The following MARK3 variants were observed in gnomAD, a reference collection of about 807,000 sequenced individuals.
MARK3 encodes the protein MAP/microtubule affinity-regulating kinase 3.
MARK3 carries 46 observed loss-of-function variants against 90.1 expected under a neutral mutation model. The ratio of observed to expected loss-of-function variants is 0.51; its 90% confidence interval spans 0.40 to 0.65. MARK3 has a LOEUF of 0.65. Among genes scored for constraint, MARK3 ranks in the 30% least tolerant of loss-of-function variants. The probability of loss-of-function intolerance (pLI) is 0.00; values close to 1 mark genes in which losing one functional copy is unlikely to be tolerated. For missense variants in MARK3, 818 were observed against 947.2 expected, an observed-to-expected ratio of 0.86 and a Z score of 1.79; for synonymous variants, 321 against 332.6, an observed-to-expected ratio of 0.97 and a Z score of 0.38.
intron 13 of MARK3, among the ~76,000 whole-genome samples, chr14:103,479,781 C>T (rs976866878): frequency 6.6e-6 from 1 of 151,822 alleles, no homozygotes; most frequent in Non-Finnish European, 1.5e-5. Flanking sequence ...GCTGGGATTA[C>T]AGGCATGCAC....
At chr14:103,429,028 A>G (rs1353113882) in intron 3 of MARK3, among the ~76,000 whole-genome samples, 3 of 152,224 alleles carry the variant, frequency 2.0e-5, no homozygotes, top group Non-Finnish European at 4.4e-5. Flanking sequence ...CAGATTTTTG[A>G]AAGTCTTAAC....
intron 1 of MARK3, among the ~76,000 whole-genome samples, chr14:103,393,853 A>G (rs1210118414): frequency 6.6e-6 from 1 of 150,910 alleles, no homozygotes; most frequent in African/African-American, 2.4e-5. Context: ...TCCGCCTGCC[A>G]GCCTAAGTAG....
intron 2 of MARK3, chr14:103,412,122 A>G: frequency 3.3e-6 from 4 of 1,209,266 alleles, no homozygotes; most frequent in Non-Finnish European, 4.4e-6. Context: ...ATATGCCTTA[A>G]TATAGGCGCT....
At chr14:103,452,098 A>G (rs900661126) in intron 5 of MARK3, 115 bp downstream of exon 5, 44 of 656,326 alleles carry the variant, frequency 6.7e-5, no homozygotes, top group Non-Finnish European at 1.1e-4. Flanking sequence ...CCAGAGCCAT[A>G]ATACGCTAGG....
At chr14:103,467,234 AT>A in intron 11 of MARK3, 43 bp downstream of exon 11, 1 of 846,878 alleles carries the variant, frequency 1.2e-6, no homozygotes, top group Non-Finnish European at 1.9e-6. Context: ...GTATGTAATT[AT>A]TAGTTTATAT....
At chr14:103,404,925 T>A (rs891804866) in intron 1 of MARK3, 151 bp from the exon 2 acceptor site, 4 of 552,124 alleles carry the variant, frequency 7.2e-6, no homozygotes, top group Admixed American at 3.8e-5. Context: ...TTCCTCAAAT[T>A]TATATTATGT....
At position 103,386,055 on chromosome 14, in the gene MARK3, C is replaced by G. The variant is rs1413560652; in HGVS notation, c.26C>G (p.Thr9Arg). 1.9e-6 allele frequency: 3 copies of G among 1,614,064 alleles called. No homozygotes were observed. ...ATGTCCACTAGGACCCCATTGCCAA[C>G]GGTGAATGAACGAGACACTGAAAAC... MSTRTPLP[T>R]VNERDTENHT... The change falls in exon 1 of 18, where the codon ACG becomes AGG. Residue 9 changes from threonine to arginine, a missense_variant. Physicochemically the swap from Thr to Arg is moderately conservative, Grantham distance 71 (BLOSUM62 -1). This residue lies in a region of MARK3 where 157 missense variants were observed against 158.7 expected (regional missense o/e 0.99). Coordinates refer to ENST00000429436, the MANE Select transcript of MARK3 (RefSeq NM_001128918.3).
At chr14:103,411,663 G>T (rs1032410321) in intron 2 of MARK3, among the ~76,000 whole-genome samples, 1 of 151,058 alleles carries the variant, frequency 6.6e-6, no homozygotes, top group Non-Finnish European at 1.5e-5. Flanking sequence ...TCGCTCTGTC[G>T]CTAGGCTGGA....
At chr14:103,420,593 T>C (rs2092169851) in intron 2 of MARK3, among the ~76,000 whole-genome samples, 1 of 152,218 alleles carries the variant, frequency 6.6e-6, no homozygotes, top group Admixed American at 6.5e-5. Flanking sequence ...TTAACCATTT[T>C]TTAAGTGTGT....
chr14:103,492,781 C>G (rs948044381), intron 15 of MARK3, among the ~76,000 whole-genome samples: 4 of 152,058 alleles, frequency 2.6e-5, no homozygotes, highest in African/African-American at 9.7e-5. Flanking sequence ...TTACCTGTTA[C>G]AAAAGCCCAG....
intron 3 of MARK3, among the ~76,000 whole-genome samples, chr14:103,440,616 G>A (rs2092826363): frequency 6.6e-6 from 1 of 151,496 alleles, no homozygotes; most frequent in South Asian, 2.1e-4. Context: ...CAAAAAAATT[G>A]TGCTATCAAT....
rs536296066 is a variant in MARK3, at chr14:103,452,019, T to C, written c.412+36T>C. ...TTTTATATATATTGGGTTTTTTTTC[T>C]TTCTCCCTTTTAAAAAAATACACAA... On this transcript the variant is annotated intron_variant, in intron 5 of 17. Coordinates refer to ENST00000429436, the MANE Select transcript of MARK3 (RefSeq NM_001128918.3). The C allele has an allele frequency of 1.4e-5, 20 of 1,410,478 alleles. No homozygotes were observed. The African/African-American group carries it at 2.7e-4, about 19-fold the overall frequency. 87.4% of individuals were successfully genotyped at this position (1,410,478 alleles called of 1,614,324 possible).
intron 3 of MARK3, among the ~76,000 whole-genome samples, chr14:103,445,822 T>C (rs955400184): frequency 1.3e-5 from 2 of 152,208 alleles, no homozygotes; most frequent in African/African-American, 4.8e-5. Flanking sequence ...AATGATTGCC[T>C]TCATTTGACC....
chr14:103,494,657 C>T lies in MARK3; in HGVS notation c.1844+2623C>T, dbSNP rs554190971. On this transcript the variant is annotated intron_variant, in intron 15 of 17. Coordinates refer to ENST00000429436, the MANE Select transcript of MARK3 (RefSeq NM_001128918.3). ...TATCAGCTACCTCTTTTTTTTTCCC[C>T]ACAGAGTCTCACTTTATCGCCCAGG... is the stretch of plus-strand genomic sequence containing the variant. Among the ~76,000 whole-genome samples the T allele has an allele frequency of 5.3e-5, 8 of 150,544 alleles. No homozygotes were observed. The East Asian group carries it at 1.6e-3, about 29-fold the overall frequency.
intron 2 of MARK3, among the ~76,000 whole-genome samples, chr14:103,417,670 G>A (rs986082193): frequency 6.6e-6 from 1 of 152,078 alleles, no homozygotes; most frequent in African/African-American, 2.4e-5. Context: ...TCCTTAAGCA[G>A]AGACTGGAGT....
chr14:103,425,146 TG>T (rs2092358374), intron 2 of MARK3, among the ~76,000 whole-genome samples: 1 of 152,158 alleles, frequency 6.6e-6, no homozygotes, highest in African/African-American at 2.4e-5. Flanking sequence ...TTCACCATGT[TG>T]GCCAGGATGG....
Position 103,462,473 on chromosome 14 carries a change from T to A in MARK3, c.540+12T>A. The A allele has an allele frequency of 6.3e-7, 1 of 1,593,614 alleles. No homozygotes were observed. Among genetic ancestry groups the A allele is most frequent in the Non-Finnish European group, 8.6e-7 (1 of 1,163,290 alleles). ...ATCGAGACCTCAAGGTGAGTAGAAG[T>A]GCCTCACTCAGTGTATGCTCTGTCT... is the stretch of plus-strand genomic sequence containing the variant. On this transcript the variant is annotated intron_variant, in intron 7 of 17. Coordinates refer to ENST00000429436, the MANE Select transcript of MARK3 (RefSeq NM_001128918.3).
At chr14:103,428,867 C>T (rs1188513668) in intron 3 of MARK3, among the ~76,000 whole-genome samples, 1 of 152,090 alleles carries the variant, frequency 6.6e-6, no homozygotes, top group African/African-American at 2.4e-5. Flanking sequence ...TCTTGACACA[C>T]CACATCTGAT....
At chr14:103,428,641 T>C (rs1250044901) in intron 3 of MARK3, among the ~76,000 whole-genome samples, 1 of 152,214 alleles carries the variant, frequency 6.6e-6, no homozygotes, top group Non-Finnish European at 1.5e-5. Flanking sequence ...TAAATGTTCT[T>C]AACAGCACAA....
Sources: allele counts gnomAD v4.1 joint callset (sites outside exome capture counted in the v4.1 genomes callset), GRCh38; gene constraint gnomAD v4.1.1; regional missense constraint gnomAD v4.1.1; transcripts MANE v1.5; gene names NCBI Gene and HGNC (gene_info 2026-07-23, HGNC 2026-07-21).